Variants in SLC10A7 observed in about 807,000 individuals in gnomAD.
SLC10A7 encodes solute carrier family 10 member 7, also known as sodium/bile acid cotransporter 7.
Under a neutral mutation model 43.2 loss-of-function variants are expected in SLC10A7, and 29 were observed. That is an observed-to-expected ratio of 0.67 (90% CI 0.50 to 0.92). SLC10A7 has a LOEUF of 0.92. Ranked by LOEUF, SLC10A7 falls within the 40% of genes least tolerant of loss-of-function variation. The pLI is 0.00. For missense variants in SLC10A7, 295 were observed against 403.2 expected (o/e 0.73, Z 2.30); for synonymous variants, 152 against 144.8 (o/e 1.05, Z -0.35).
chr4:146,390,714 G>A (rs1738365256), intron 5 of SLC10A7, among the ~76,000 whole-genome samples: 1 of 152,070 alleles, frequency 6.6e-6, no homozygotes, highest in Admixed American at 6.6e-5. Context: ...CAGAGCAGGG[G>A]GAGCTAGGAA....
At chr4:146,295,223 T>G (rs1730699377) in intron 7 of SLC10A7, among the ~76,000 whole-genome samples, 1 of 152,156 alleles carries the variant, frequency 6.6e-6, no homozygotes, top group Non-Finnish European at 1.5e-5. Context: ...ACTCATGAAG[T>G]GAACTGACAG....
intron 5 of SLC10A7, among the ~76,000 whole-genome samples, chr4:146,409,963 T>A (rs1728061922): frequency 6.6e-6 from 1 of 152,180 alleles, no homozygotes; most frequent in Non-Finnish European, 1.5e-5. Context: ...TACCTTCCAA[T>A]GGGAAGGAGA....
At chr4:146,492,459 C>T (rs1362593512) in intron 4 of SLC10A7, among the ~76,000 whole-genome samples, 1 of 152,094 alleles carries the variant, frequency 6.6e-6, no homozygotes, top group African/African-American at 2.4e-5. Context: ...CCTCCACCTG[C>T]CAGGCACAAA....
intron 4 of SLC10A7, among the ~76,000 whole-genome samples, chr4:146,457,183 ATTC>A (rs1306256433): frequency 2.6e-5 from 4 of 151,856 alleles, no homozygotes; most frequent in Admixed American, 2.0e-4. Context: ...TTGAAATTTT[ATTC>A]TTCTTTTGAT....
In SLC10A7 at chr4:146,301,376, G is replaced by A. The variant is rs145549158; in HGVS notation, c.555+4550C>T. On this transcript the variant is annotated intron_variant, in intron 7 of 11. Transcript: ENST00000335472. ...TGGGAAAAGCAGAGCCCTAAGGAGA[G>A]GAGTGGTGGGAGGTGGCACTGGAGA... Among the ~76,000 whole-genome samples the A allele has an allele frequency of 3.3e-5, 5 of 152,298 alleles. No homozygotes were observed. The East Asian group carries it at 7.7e-4, about 23-fold the overall frequency.
Position 146,491,759 on chromosome 4 carries a change from T to C in SLC10A7, c.396+12090A>G, listed in dbSNP as rs200781517. Among the ~76,000 whole-genome samples, 14 of 150,292 alleles carry C rather than the reference T, an allele frequency of 9.3e-5. No individual in the cohort carries two copies. In the East Asian group the frequency reaches 2.8e-3, roughly 30 times the overall value. The stretch of plus-strand genomic sequence containing the variant: ...AGGAAGGAAGGAAATAAATTCCTCA[T>C]TCAGAGGGCCCTGCAAGGCCAGTAT... On this transcript the variant is annotated intron_variant, in intron 4 of 11. Coordinates refer to ENST00000335472, the MANE Select transcript of SLC10A7 (RefSeq NM_001029998.6).
chr4:146,403,349 CCACCTATAG>C (rs985951007), intron 5 of SLC10A7, among the ~76,000 whole-genome samples: 1 of 152,162 alleles, frequency 6.6e-6, no homozygotes, highest in Non-Finnish European at 1.5e-5. Context: ...TACTCCATAA[CCACCTATAG>C]CACAGTCATG....
chr4:146,442,908 C>T (rs1730720425), intron 4 of SLC10A7, 87 bp from the exon 5 acceptor site: 2 of 935,672 alleles, frequency 2.1e-6, no homozygotes, highest in African/African-American at 1.7e-5. Flanking sequence ...CCCTCCCCCA[C>T]TATTCAAAAC....
intron 6 of SLC10A7, among the ~76,000 whole-genome samples, chr4:146,319,053 C>A (rs1732514770): frequency 6.6e-6 from 1 of 152,086 alleles, no homozygotes; most frequent in South Asian, 2.1e-4. Context: ...CATCCAGAAT[C>A]ATTCTTTAAA....
At chr4:146,382,596 A>G (rs1737706825) in intron 5 of SLC10A7, among the ~76,000 whole-genome samples, 1 of 152,194 alleles carries the variant, frequency 6.6e-6, no homozygotes, top group Non-Finnish European at 1.5e-5. Flanking sequence ...CATGTTGAAA[A>G]TCAAATATTG....
intron 1 of SLC10A7, among the ~76,000 whole-genome samples, chr4:146,518,843 T>C (rs555403793): frequency 6.6e-6 from 1 of 151,800 alleles, no homozygotes; most frequent in African/African-American, 2.4e-5. Flanking sequence ...CAGATGTCCT[T>C]TGGAGGACAT....
chr4:146,434,587 G>C (rs1730057886), intron 5 of SLC10A7, among the ~76,000 whole-genome samples: 1 of 152,082 alleles, frequency 6.6e-6, no homozygotes, highest in Admixed American at 6.5e-5. Flanking sequence ...GTTCTGAGAT[G>C]GAGTCTCGCT....
intron 6 of SLC10A7, among the ~76,000 whole-genome samples, chr4:146,319,127 A>C (rs1732521522): frequency 6.6e-6 from 1 of 152,036 alleles, no homozygotes; most frequent in Non-Finnish European, 1.5e-5. Flanking sequence ...GTCTCTCTCA[A>C]ATTAAAATTC....
chr4:146,350,584 C>G (rs1394691109), intron 5 of SLC10A7, among the ~76,000 whole-genome samples: 3 of 140,922 alleles, frequency 2.1e-5, no homozygotes, highest in Non-Finnish European at 4.6e-5. Flanking sequence ...GGGCAGGGCA[C>G]AGACAAACAA....
At chr4:146,301,582 A>T (rs1057075361) in intron 7 of SLC10A7, among the ~76,000 whole-genome samples, 17 of 152,328 alleles carry the variant, frequency 1.1e-4, no homozygotes, top group Admixed American at 1.0e-3. Context: ...AGACAGGTTT[A>T]GGAGGTGCAG....
At position 146,427,449 on chromosome 4, in the gene SLC10A7, T is replaced by A. The variant is rs557166498; in HGVS notation, c.435+15334A>T. On this transcript the variant is annotated intron_variant, in intron 5 of 11. Transcript: ENST00000335472. ...ATTCAATTTTTTTTAAGCTGGAAATTTAACCTTTTGACTTCAACAGTTGTT... is the reference window on the plus strand; with the variant it reads ...ATTCAATTTTTTTTAAGCTGGAAATATAACCTTTTGACTTCAACAGTTGTT... Among the ~76,000 whole-genome samples, 45 of 152,324 alleles carry A rather than the reference T, an allele frequency of 3.0e-4. No individual in the cohort carries two copies. The Middle Eastern group carries it at 0.014, about 46-fold the overall frequency.
At chr4:146,519,241 AATAAT>A (rs1316261402) in intron 1 of SLC10A7, among the ~76,000 whole-genome samples, 1 of 142,278 alleles carries the variant, frequency 7.0e-6, no homozygotes, top group Non-Finnish European at 1.5e-5. Context: ...TATTATATAT[AATAAT>A]ATATTTTATA....
intron 5 of SLC10A7, among the ~76,000 whole-genome samples, chr4:146,337,867 A>G (rs1042884303): frequency 1.3e-5 from 2 of 151,910 alleles, no homozygotes; most frequent in African/African-American, 4.8e-5. Context: ...TTTAAGAAAC[A>G]GATTGTAGAA....
intron 5 of SLC10A7, among the ~76,000 whole-genome samples, chr4:146,346,165 T>C (rs1050482890): frequency 9.2e-5 from 14 of 152,118 alleles, no homozygotes; most frequent in African/African-American, 3.4e-4. Flanking sequence ...CAATGACTGA[T>C]TTATAAACTA....
Sources: allele counts gnomAD v4.1 joint callset (sites outside exome capture counted in the v4.1 genomes callset), GRCh38; gene constraint gnomAD v4.1.1; transcripts MANE v1.5; gene names NCBI Gene and HGNC (gene_info 2026-07-23, HGNC 2026-07-21).